The following TNR variants were observed in gnomAD, a reference collection of about 807,000 sequenced individuals.
The protein encoded by TNR is tenascin-R.
TNR carries 45 observed loss-of-function variants against 150.4 expected under a neutral mutation model. That is an observed-to-expected ratio of 0.30 (90% CI 0.24 to 0.38). TNR has a LOEUF of 0.38. Among genes scored for constraint, TNR ranks in the 10% least tolerant of loss-of-function variants. The probability of loss-of-function intolerance (pLI) is 1.00; values close to 1 mark genes in which losing one functional copy is unlikely to be tolerated. For missense variants in TNR, 1,544 were observed against 1,759.1 expected (o/e 0.88, Z 2.19); for synonymous variants, 687 against 678.4 (o/e 1.01, Z -0.20).
At chr1:175,530,567 T>C (rs1251957582) in intron 1 of TNR, among the ~76,000 whole-genome samples, 1 of 152,254 alleles carries the variant, frequency 6.6e-6, no homozygotes, top group Non-Finnish European at 1.5e-5. Flanking sequence ...AACAGATATA[T>C]GGGATGTTTT....
intron 1 of TNR, among the ~76,000 whole-genome samples, chr1:175,624,123 T>C (rs1664068547): frequency 6.6e-6 from 1 of 152,226 alleles, no homozygotes. Context: ...GATTCATTCA[T>C]AGAAAATCTT....
chr1:175,418,070 A>G (rs1654581701), intron 2 of TNR, among the ~76,000 whole-genome samples: 1 of 152,170 alleles, frequency 6.6e-6, no homozygotes, highest in African/African-American at 2.4e-5. Context: ...ATTATTTTCT[A>G]CCTGAAATTT....
At chr1:175,611,650 G>C (rs934894572) in intron 1 of TNR, among the ~76,000 whole-genome samples, 13 of 152,040 alleles carry the variant, frequency 8.6e-5, no homozygotes, top group African/African-American at 2.9e-4. Context: ...GCTCTCTCTT[G>C]ATCTCCATCT....
At chr1:175,431,911 A>ATCTCTCTC (rs545138749) in intron 2 of TNR, among the ~76,000 whole-genome samples, 1 of 136,374 alleles carries the variant, frequency 7.3e-6, no homozygotes, top group Non-Finnish European at 1.5e-5. Flanking sequence ...GGACCATAAT[A>ATCTCTCTC]TCTCTCTCTC....
chr1:175,489,027 C>T (rs1042014652), intron 2 of TNR, among the ~76,000 whole-genome samples: 1 of 152,170 alleles, frequency 6.6e-6, no homozygotes, highest in African/African-American at 2.4e-5. Flanking sequence ...GCCACAGCCC[C>T]AGAATTTCAG....
intron 2 of TNR, among the ~76,000 whole-genome samples, chr1:175,450,718 A>G (rs1656268463): frequency 6.6e-6 from 1 of 152,214 alleles, no homozygotes; most frequent in Non-Finnish European, 1.5e-5. Context: ...CTTCATAGAA[A>G]TATGGACCTT....
chr1:175,696,065 C>T (rs1430755096), intron 1 of TNR, among the ~76,000 whole-genome samples: 1 of 152,064 alleles, frequency 6.6e-6, no homozygotes, highest in Non-Finnish European at 1.5e-5. Context: ...TCTTGCATTT[C>T]AGGATTGTGC....
intron 1 of TNR, among the ~76,000 whole-genome samples, chr1:175,645,976 G>C (rs1027060011): frequency 5.3e-5 from 8 of 152,156 alleles, no homozygotes; most frequent in African/African-American, 1.4e-4. Flanking sequence ...TTCTTGCCTG[G>C]ACTAAGGGCC....
At chr1:175,725,030 T>C (rs1229252229) in intron 1 of TNR, among the ~76,000 whole-genome samples, 1 of 152,194 alleles carries the variant, frequency 6.6e-6, no homozygotes, top group Non-Finnish European at 1.5e-5. Flanking sequence ...AGAGCCTCGT[T>C]AAGAACTTTT....
chr1:175,398,835 T>C (rs1019243227), intron 4 of TNR, among the ~76,000 whole-genome samples: 1 of 152,156 alleles, frequency 6.6e-6, no homozygotes, highest in African/African-American at 2.4e-5. Context: ...ATATATACCA[T>C]CTAACAAGAA....
chr1:175,444,801 GTTT>G (rs1655961325), intron 2 of TNR, among the ~76,000 whole-genome samples: 1 of 152,132 alleles, frequency 6.6e-6, no homozygotes, highest in Non-Finnish European at 1.5e-5. Context: ...GGGAGGTGAT[GTTT>G]CATCCGGGAC....
chr1:175,530,950 G>T (rs940299451), intron 1 of TNR, among the ~76,000 whole-genome samples: 1 of 152,160 alleles, frequency 6.6e-6, no homozygotes, highest in African/African-American at 2.4e-5. Context: ...CCAGGCCCAT[G>T]CCAGGCACCA....
At chr1:175,514,541 C>T (rs543384768) in intron 2 of TNR, among the ~76,000 whole-genome samples, 15 of 152,316 alleles carry the variant, frequency 9.8e-5, no homozygotes, top group Non-Finnish European at 1.8e-4. Context: ...AGCAGCTGGA[C>T]TATTCAACCA....
chr1:175,393,627 T>C (rs953565721), intron 6 of TNR, among the ~76,000 whole-genome samples, 153 bp downstream of exon 6: 2 of 152,180 alleles, frequency 1.3e-5, no homozygotes, highest in African/African-American at 2.4e-5. Context: ...ACAGAAATGT[T>C]CTATATCCCA....
At chr1:175,679,943 C>T (rs1481995123) in intron 1 of TNR, among the ~76,000 whole-genome samples, 2 of 152,166 alleles carry the variant, frequency 1.3e-5, no homozygotes, top group Admixed American at 6.5e-5. Context: ...GAGTACTGTG[C>T]TTCTGTCTGC....
chr1:175,334,889 G>A (rs1471070044), intron 20 of TNR, among the ~76,000 whole-genome samples: 1 of 152,194 alleles, frequency 6.6e-6, no homozygotes, highest in East Asian at 1.9e-4. Flanking sequence ...CAAAAGACAA[G>A]AAGAACCTGT....
intron 18 of TNR, 115 bp from the exon 19 acceptor site, chr1:175,337,794 G>A: frequency 8.0e-7 from 1 of 1,244,182 alleles, no homozygotes; most frequent in South Asian, 1.4e-5. Flanking sequence ...ACAGCTGTAA[G>A]AAATCCTCAA....
At chr1:175,698,850 C>T (rs560703508) in intron 1 of TNR, among the ~76,000 whole-genome samples, 6 of 151,644 alleles carry the variant, frequency 4.0e-5, no homozygotes, top group Admixed American at 6.6e-5. Context: ...CTGGCAGTGA[C>T]GGGAGGCAGA....
At chr1:175,494,607 C>T (rs571892107) in intron 2 of TNR, among the ~76,000 whole-genome samples, 1 of 152,286 alleles carries the variant, frequency 6.6e-6, no homozygotes, top group South Asian at 2.1e-4. Context: ...TGACACTGGG[C>T]TCCTGGTTGC....
Sources: gnomAD v4.1 joint callset for allele counts (sites outside exome capture counted in the v4.1 genomes callset) on GRCh38, gnomAD v4.1.1 for gene constraint, MANE v1.5 for transcripts, NCBI Gene and HGNC (gene_info 2026-07-23, HGNC 2026-07-21) for gene names.